The following SHTN1 variants were observed in gnomAD, a reference collection of about 807,000 sequenced individuals.
The protein encoded by SHTN1 is shootin-1.
Under a neutral mutation model 83.1 loss-of-function variants are expected in SHTN1, and 42 were observed. That is an observed-to-expected ratio of 0.51 (90% confidence interval 0.39 to 0.65). The LOEUF (loss-of-function observed/expected upper bound fraction) is 0.65, where lower values mean the gene tolerates loss of function less well. SHTN1 is among the 30% of genes least tolerant of loss of function. The pLI, the probability that SHTN1 is intolerant of heterozygous loss-of-function variation, is 0.00. For missense variants in SHTN1, 622 were observed against 737.8 expected, an observed-to-expected ratio of 0.84 and a Z score of 1.82; for synonymous variants, 224 against 247.7, an observed-to-expected ratio of 0.90 and a Z score of 0.90.
At chr10:117,054,199 C>T (rs751244673) in intron 1 of SHTN1, among the ~76,000 whole-genome samples, 1 of 152,050 alleles carries the variant, frequency 6.6e-6, no homozygotes, top group Admixed American at 6.6e-5. Flanking sequence ...TTACCCCTGA[C>T]CTTTTGGAGT....
At chr10:116,987,682 C>G (rs1851264541) in intron 1 of SHTN1, among the ~76,000 whole-genome samples, 1 of 151,932 alleles carries the variant, frequency 6.6e-6, no homozygotes, top group African/African-American at 2.4e-5. Context: ...TTTGGGAGGC[C>G]TTGGTGGGCG....
chr10:117,079,038 A>AT (rs1853211281), intron 1 of SHTN1, among the ~76,000 whole-genome samples: 4 of 150,900 alleles, frequency 2.7e-5, no homozygotes, highest in Admixed American at 6.6e-5. Context: ...TTTTATTTTT[A>AT]TTTATTTTTT....
chr10:116,939,569 C>T (rs1002510021), intron 9 of SHTN1, among the ~76,000 whole-genome samples: 14 of 152,326 alleles, frequency 9.2e-5, no homozygotes, highest in Admixed American at 4.6e-4. Flanking sequence ...GCGTTGATCC[C>T]GCTCGGAGCT....
intron 1 of SHTN1, among the ~76,000 whole-genome samples, chr10:117,095,469 G>A (rs575869304): frequency 5.3e-5 from 8 of 152,114 alleles, no homozygotes; most frequent in South Asian, 2.1e-4. Flanking sequence ...GGTTTGCTTC[G>A]AAAATATCAC....
intron 2 of SHTN1, among the ~76,000 whole-genome samples, chr10:117,045,395 G>A (rs2133583836): frequency 6.6e-6 from 1 of 152,220 alleles, no homozygotes; most frequent in East Asian, 1.9e-4. Flanking sequence ...AAAAAGCTGA[G>A]AACTAGTCAC....
chr10:116,916,691 T>C (rs1355921535), intron 12 of SHTN1, among the ~76,000 whole-genome samples: 2 of 152,178 alleles, frequency 1.3e-5, no homozygotes, highest in African/African-American at 4.8e-5. Flanking sequence ...CTAGACTCCA[T>C]TCCAACCCTG....
intron 16 of SHTN1, among the ~76,000 whole-genome samples, chr10:116,896,123 T>C (rs561378466): frequency 3.3e-5 from 5 of 152,308 alleles, no homozygotes; most frequent in African/African-American, 9.6e-5. Flanking sequence ...ATAGAAGTAT[T>C]AAAACACACA....
chr10:117,096,704 T>A (rs1257272213), intron 1 of SHTN1, among the ~76,000 whole-genome samples: 1 of 152,236 alleles, frequency 6.6e-6, no homozygotes, highest in Non-Finnish European at 1.5e-5. Flanking sequence ...CTATTTAAAA[T>A]GCAGCTCCGG....
intron 1 of SHTN1, among the ~76,000 whole-genome samples, chr10:117,105,100 A>T (rs915437223): frequency 6.6e-6 from 1 of 152,072 alleles, no homozygotes; most frequent in African/African-American, 2.4e-5. Context: ...TGTCCTAGAC[A>T]CTGAGCCCAA....
rs913272480 is a variant in SHTN1, at chr10:116,906,626, C to T, written c.1480+1G>A. Reference sequence around the variant, plus strand: ...ACTGTGGAGAATTCAAACCGGCTTACTACTGCTATCTGCTTCTGCTGTCAC... The same window carrying T: ...ACTGTGGAGAATTCAAACCGGCTTATTACTGCTATCTGCTTCTGCTGTCAC... On this transcript the variant is annotated splice_donor_variant, in intron 15 of 16. Coordinates refer to ENST00000355371, the MANE Select transcript of SHTN1 (RefSeq NM_001127211.3). LOFTEE classifies it high-confidence loss of function. 3 of 1,610,854 alleles carry T rather than the reference C, an allele frequency of 1.9e-6. No individual in the cohort carries two copies. The African/African-American group carries it at 4.0e-5, about 22-fold the overall frequency.
chr10:116,932,507 C>T (rs1456480382), intron 9 of SHTN1, among the ~76,000 whole-genome samples: 2 of 152,128 alleles, frequency 1.3e-5, no homozygotes, highest in East Asian at 1.9e-4. Flanking sequence ...TTGTCTTCCA[C>T]GAAACTGGTC....
chr10:117,090,227 TAAAAA>T (rs1853409617), intron 1 of SHTN1, among the ~76,000 whole-genome samples: 1 of 152,146 alleles, frequency 6.6e-6, no homozygotes, highest in African/African-American at 2.4e-5. Context: ...TATTCATCCT[TAAAAA>T]GAAAGGAAAT....
rs530518340 is a variant in SHTN1 at position 116,953,786 on chromosome 10, C to T, written c.436+256G>A. On this transcript the variant is annotated intron_variant, in intron 5 of 16. Transcript: ENST00000355371. ...GGGATTACAGGCACCTGCCACCACG[C>T]CCAGCTAATTTTTGTATTTTTTAGT... 3.4e-4 allele frequency among the ~76,000 whole-genome samples: 51 copies of T among 152,114 alleles called. 1 individual carries two copies. The highest frequency in any genetic ancestry group is 6.5e-4 in the Admixed American group (10 of 15,272).
chr10:116,900,154 C>T (rs866184066), intron 16 of SHTN1, among the ~76,000 whole-genome samples: 5 of 152,156 alleles, frequency 3.3e-5, no homozygotes, highest in South Asian at 2.1e-4. Context: ...TGAAAATACA[C>T]GGCATCAGTT....
chr10:117,112,375 C>T (rs545499288), intron 1 of SHTN1, among the ~76,000 whole-genome samples: 1 of 152,120 alleles, frequency 6.6e-6, no homozygotes, highest in Admixed American at 6.6e-5. Flanking sequence ...TTTTCCTACA[C>T]AAAGGTTGGT....
At chr10:117,087,047 C>T (rs1324549837) in intron 1 of SHTN1, among the ~76,000 whole-genome samples, 1 of 152,088 alleles carries the variant, frequency 6.6e-6, no homozygotes, top group Non-Finnish European at 1.5e-5. Context: ...ATATCTAGAA[C>T]AGGCAAATTT....
chr10:117,103,738 G>A (rs1037923561), intron 1 of SHTN1, among the ~76,000 whole-genome samples: 1 of 151,036 alleles, frequency 6.6e-6, no homozygotes, highest in African/African-American at 2.4e-5. Flanking sequence ...GGGTTTCACT[G>A]TGTTAGCCAG....
At chr10:116,931,880 C>A (rs1377287438) in intron 9 of SHTN1, among the ~76,000 whole-genome samples, 6 of 152,172 alleles carry the variant, frequency 3.9e-5, no homozygotes. Flanking sequence ...GGAGCATATG[C>A]TATTTTTATA....
chr10:116,943,887 T>C (rs1849474573), intron 8 of SHTN1, among the ~76,000 whole-genome samples: 1 of 152,128 alleles, frequency 6.6e-6, no homozygotes, highest in Non-Finnish European at 1.5e-5. Flanking sequence ...AGACCAGCTT[T>C]TGAGTTTAGC....
Sources: gnomAD v4.1 joint callset for allele counts (sites outside exome capture counted in the v4.1 genomes callset) on GRCh38, gnomAD v4.1.1 for gene constraint, MANE v1.5 for transcripts, NCBI Gene and HGNC (gene_info 2026-07-23, HGNC 2026-07-21) for gene names.